GRM1: variants seen among roughly 807,000 people sequenced by gnomAD.
The protein encoded by GRM1 is metabotropic glutamate receptor 1.
GRM1 carries 33 observed loss-of-function variants against 90.9 expected under a neutral mutation model. The ratio of observed to expected loss-of-function variants is 0.36; its 90% CI spans 0.28 to 0.49. The LOEUF (loss-of-function observed/expected upper bound fraction) is 0.49, where lower values mean the gene tolerates loss of function less well. GRM1 is among the 20% of genes least tolerant of loss of function. The pLI, the probability that GRM1 is intolerant of heterozygous loss-of-function variation, is 0.99. For missense variants in GRM1, 1,190 were observed against 1,534.3 expected (o/e 0.78, Z 3.75); for synonymous variants, 700 against 613.2 (o/e 1.14, Z -2.09).
intron 2 of GRM1, among the ~76,000 whole-genome samples, chr6:146,239,347 C>T (rs1780767096): frequency 6.6e-6 from 1 of 152,198 alleles, no homozygotes; most frequent in East Asian, 1.9e-4. Context: ...CATTACTATT[C>T]TGTAGGAAGT....
rs1348642046 is a variant in GRM1 at position 146,398,972 on chromosome 6, C to G, written c.1933C>G (p.Pro645Ala). ...TGGCATCTTCCTTGGTTATGTGTGC[C>G]CATTCACTCTCATTGCCAAACCTAC... Reference protein sequence around the residue: ...LAGIFLGYVCPFTLIAKPTTT... With the variant: ...LAGIFLGYVCAFTLIAKPTTT... The change falls in exon 7 of 8, where the codon CCA becomes GCA. Residue 645 changes from proline to alanine, a missense_variant. Around this residue, in one of 10 missense-constraint regions of GRM1, gnomAD observed 414 missense variants for 598.4 expected, o/e 0.69. Coordinates refer to ENST00000282753, the MANE Select transcript of GRM1 (RefSeq NM_001278064.2). The G allele has an allele frequency of 6.2e-7, 1 of 1,613,972 alleles. No individual in the cohort carries two copies. Among genetic ancestry groups the G allele is most frequent in the Non-Finnish European group, 8.5e-7 (1 of 1,179,960 alleles).
chr6:146,251,452 A>T (rs1183789489), intron 2 of GRM1, among the ~76,000 whole-genome samples: 1 of 152,212 alleles, frequency 6.6e-6, no homozygotes, highest in Non-Finnish European at 1.5e-5. Context: ...AGACCTAGAG[A>T]AAGTAGATCA....
At chr6:146,423,321 A>G (rs1157956918) in intron 7 of GRM1, among the ~76,000 whole-genome samples, 20 of 152,182 alleles carry the variant, frequency 1.3e-4, no homozygotes, top group Admixed American at 1.3e-3. Context: ...CTCTGGCCTC[A>G]GATTTTACAT....
intron 5 of GRM1, among the ~76,000 whole-genome samples, chr6:146,360,287 C>T (rs1360881796): frequency 6.6e-6 from 1 of 151,998 alleles, no homozygotes. Flanking sequence ...AGTCAAAAAT[C>T]CAGTTTTCTT....
chr6:146,338,440 G>A (rs1784855447), intron 3 of GRM1, among the ~76,000 whole-genome samples: 1 of 152,218 alleles, frequency 6.6e-6, no homozygotes, highest in Admixed American at 6.5e-5. Context: ...AAAAGAGAGT[G>A]TTAACTTTGC....
At chr6:146,165,988 G>A (rs1777890549) in intron 2 of GRM1, among the ~76,000 whole-genome samples, 1 of 152,000 alleles carries the variant, frequency 6.6e-6, no homozygotes, top group Non-Finnish European at 1.5e-5. Context: ...TGCCTTTAGG[G>A]TATTAAAACA....
At chr6:146,028,741 T>TA (rs1582896516), upstream of GRM1, among the ~76,000 whole-genome samples, 2 of 152,272 alleles carry the variant, frequency 1.3e-5, no homozygotes, top group East Asian at 3.9e-4. Flanking sequence ...AAAATTAAAG[T>TA]AAAAGGTGCA....
chr6:146,372,584 A>G (rs1460732724), intron 5 of GRM1, among the ~76,000 whole-genome samples: 10 of 151,938 alleles, frequency 6.6e-5, no homozygotes, highest in Non-Finnish European at 1.5e-5. Flanking sequence ...TTGCATTTTC[A>G]TAGTTTAGGT....
At chr6:146,103,993 T>C (rs916526670) in intron 1 of GRM1, among the ~76,000 whole-genome samples, 1 of 152,124 alleles carries the variant, frequency 6.6e-6, no homozygotes, top group Non-Finnish European at 1.5e-5. Context: ...TGAATTCTCT[T>C]TCCTAGGAAA....
At chr6:146,079,871 T>C (rs541521940) in intron 1 of GRM1, among the ~76,000 whole-genome samples, 116 of 152,228 alleles carry the variant, frequency 7.6e-4, no homozygotes, top group Middle Eastern at 3.4e-3. Flanking sequence ...ACCATATCTC[T>C]TTACCACTAT....
intron 2 of GRM1, among the ~76,000 whole-genome samples, chr6:146,267,702 G>T (rs9766193): frequency 0.14 from 11,747 of 85,852 alleles, 2,344 homozygotes; most frequent in African/African-American, 0.5. Flanking sequence ...GCTCGGCTCG[G>T]CTCGTCTCGT....
intron 3 of GRM1, among the ~76,000 whole-genome samples, chr6:146,313,633 A>G (rs1783849903): frequency 1.3e-5 from 2 of 152,178 alleles, no homozygotes; most frequent in East Asian, 1.9e-4. Flanking sequence ...GTTGTTCAGG[A>G]TGGGTGTGAC....
Position 146,326,565 on chromosome 6 carries a change from C to A in GRM1, c.1186+21719C>A, listed in dbSNP as rs559458114. Among the ~76,000 whole-genome samples, 6 of 151,836 alleles carry A rather than the reference C, an allele frequency of 4.0e-5. No individual in the cohort carries two copies. The East Asian group carries it at 7.7e-4, about 20-fold the overall frequency. On this transcript the variant is annotated intron_variant, in intron 3 of 7. Coordinates refer to ENST00000282753, the MANE Select transcript of GRM1 (RefSeq NM_001278064.2). ...AACACAAGTTTACTTATGTAAGAAA[C>A]CTGCACTTGTACTCCTGAACTTAAA...
chr6:146,331,816 C>T (rs1784597862), intron 3 of GRM1, among the ~76,000 whole-genome samples: 1 of 152,084 alleles, frequency 6.6e-6, no homozygotes, highest in Non-Finnish European at 1.5e-5. Flanking sequence ...TGACTTTGAG[C>T]TTGTGTTAAG....
rs150560644 is a variant in GRM1 at position 146,211,544 on chromosome 6, C to T, written c.950+51947C>T. 1.3e-3 allele frequency among the ~76,000 whole-genome samples: 204 copies of T among 152,140 alleles called. 4 individuals carry two copies. The East Asian group carries it at 0.035, about 26-fold the overall frequency. ...CCGGTGACTTTTTGTTATATGACAT[C>T]CATTAGGGGTTCAGTTTAATTGCTA... On this transcript the variant is annotated intron_variant, in intron 2 of 7. Transcript: ENST00000282753.
intron 5 of GRM1, among the ~76,000 whole-genome samples, chr6:146,381,410 G>A (rs756290975): frequency 1.9e-4 from 29 of 152,174 alleles, no homozygotes; most frequent in Non-Finnish European, 4.1e-4. Context: ...TAACAGGACA[G>A]CACTGAGTTC....
rs1777628453 is a variant in GRM1 at position 146,159,365 on chromosome 6, G to A, written c.718G>A (p.Gly240Arg). ...CTGGACAGGGAATTATGGGGAGAGC[G>A]GAATGGACGCTTTCAAAGAGCTGGC... ...VHTEGNYGES[G>R]MDAFKELAAQ... Residue 240 changes from glycine (G) to arginine (R), a missense_variant, in exon 2 of 8, where the codon GGA (glycine) becomes AGA (arginine). Physicochemically the swap from Gly to Arg is moderately radical, Grantham distance 125. Around this residue, in one of 10 missense-constraint regions of GRM1, gnomAD observed 46 missense variants for 116.1 expected, o/e 0.40. Coordinates refer to ENST00000282753, the MANE Select transcript of GRM1 (RefSeq NM_001278064.2). 2 of 1,613,906 alleles carry A rather than the reference G, an allele frequency of 1.2e-6. No homozygotes were observed. The highest frequency in any genetic ancestry group is 1.7e-5 in the Admixed American group (1 of 60,004).
intron 1 of GRM1, among the ~76,000 whole-genome samples, chr6:146,145,993 G>A (rs990388439): frequency 6.6e-5 from 10 of 150,828 alleles, no homozygotes; most frequent in African/African-American, 2.4e-4. Flanking sequence ...AAGATTTAAC[G>A]TCTGCTCTCT....
At chr6:146,322,514 G>C (rs1046875829) in intron 3 of GRM1, among the ~76,000 whole-genome samples, 1 of 152,228 alleles carries the variant, frequency 6.6e-6, no homozygotes, top group Non-Finnish European at 1.5e-5. Context: ...TCCCTGAGGT[G>C]CTCTGTCCCA....
Sources: gnomAD v4.1 joint callset for allele counts (sites outside exome capture counted in the v4.1 genomes callset) on GRCh38, gnomAD v4.1.1 for gene constraint, gnomAD v4.1.1 regional missense constraint, MANE v1.5 for transcripts, NCBI Gene and HGNC (gene_info 2026-07-23, HGNC 2026-07-21) for gene names.